ASPRV1: variants seen among roughly 807,000 people sequenced by gnomAD.
ASPRV1 encodes aspartic peptidase retroviral like 1.
ASPRV1 carries 7 observed loss-of-function variants against 11.0 expected under a neutral mutation model. That is an observed-to-expected ratio of 0.64 (90% CI 0.36 to 1.20). The LOEUF is 1.20. Among genes scored for constraint, ASPRV1 ranks in the 50% most tolerant of loss-of-function variants. The pLI is 0.02. For missense variants in ASPRV1, 299 were observed against 320.0 expected, an observed-to-expected ratio of 0.93 and a Z score of 0.50; for synonymous variants, 136 against 138.4, an observed-to-expected ratio of 0.98 and a Z score of 0.12.
At chr2:69,976,833 C>T in the ASPRV1 span, among the ~76,000 whole-genome samples, 1 of 152,118 alleles carries the variant, frequency 6.6e-6, no homozygotes, top group African/African-American at 2.4e-5. Flanking sequence ...CCAAATCAGA[C>T]CAACCTATAG....
chr2:69,957,602 C>T (rs983180225), downstream of ASPRV1, among the ~76,000 whole-genome samples: 7 of 151,682 alleles, frequency 4.6e-5, no homozygotes, highest in African/African-American at 1.7e-4. Context: ...CCTAGAATCA[C>T]TTGGGGATCT....
chr2:69,942,896 T>G, the ASPRV1 span: 1 of 152,260 alleles, frequency 6.6e-6, no homozygotes, highest in Admixed American at 6.5e-5. Context: ...ATATGTAAAC[T>G]GTATTGTTCA....
At chr2:69,935,848 C>T in the ASPRV1 span, among the ~76,000 whole-genome samples, 3 of 152,202 alleles carry the variant, frequency 2.0e-5, no homozygotes, top group African/African-American at 7.2e-5. Context: ...CTGGGTCCCT[C>T]CCGTCTGCTT....
the ASPRV1 span, among the ~76,000 whole-genome samples, chr2:69,978,606 C>T: frequency 3.3e-5 from 5 of 152,324 alleles, no homozygotes; most frequent in South Asian, 1.0e-3. Flanking sequence ...ACAGATTACA[C>T]CAACGACAAG....
chr2:69,998,136 T>C, the ASPRV1 span: 124 of 133,124 alleles, frequency 9.3e-4, no homozygotes, highest in African/African-American at 3.8e-3. Flanking sequence ...CTGATAGTTC[T>C]AGAAAAAAAA....
At chr2:69,983,504 C>T in the ASPRV1 span, among the ~76,000 whole-genome samples, 1 of 152,126 alleles carries the variant, frequency 6.6e-6, no homozygotes, top group African/African-American at 2.4e-5. Context: ...AGCAGGGCAG[C>T]CTTTTGGGCA....
At chr2:70,022,394 A>C in the ASPRV1 span, among the ~76,000 whole-genome samples, 4 of 132,846 alleles carry the variant, frequency 3.0e-5, no homozygotes, top group Admixed American at 1.5e-4. Context: ...CACACACACA[A>C]ACACAAGCAG....
At chr2:70,038,304 T>C in the ASPRV1 span, among the ~76,000 whole-genome samples, 3 of 152,198 alleles carry the variant, frequency 2.0e-5, no homozygotes, top group African/African-American at 7.2e-5. Flanking sequence ...CCCAACACTT[T>C]GGGAGGCCAA....
the ASPRV1 span, chr2:69,935,246 T>TC: frequency 2.6e-5 from 20 of 755,100 alleles, no homozygotes; most frequent in African/African-American, 3.3e-4. Context: ...GCATTTGCCA[T>TC]CGCAAGGCCT....
the ASPRV1 span, chr2:70,053,705 C>A: frequency 0.15 from 23,101 of 152,020 alleles, 2,714 homozygotes; most frequent in East Asian, 0.3. Flanking sequence ...ATTCTTCAGG[C>A]CCCAATCTGG....
the ASPRV1 span, among the ~76,000 whole-genome samples, chr2:69,997,506 C>A: frequency 1.3e-5 from 2 of 152,188 alleles, no homozygotes; most frequent in Non-Finnish European, 2.9e-5. Flanking sequence ...CCGGGCTTCT[C>A]CTCCTTCCTC....
the ASPRV1 span, among the ~76,000 whole-genome samples, chr2:70,059,403 G>A: frequency 6.6e-6 from 1 of 151,734 alleles, no homozygotes; most frequent in Non-Finnish European, 1.5e-5. Context: ...GTAGAAATGA[G>A]GGCTCCTTAG....
the ASPRV1 span, among the ~76,000 whole-genome samples, chr2:70,072,651 G>A: frequency 6.6e-6 from 1 of 152,090 alleles, no homozygotes; most frequent in Non-Finnish European, 1.5e-5. Flanking sequence ...GAACTCAGGA[G>A]GCAGAGGTTG....
the ASPRV1 span, among the ~76,000 whole-genome samples, chr2:70,065,857 AAAGG>A: frequency 1.4e-4 from 16 of 116,674 alleles, no homozygotes; most frequent in Non-Finnish European, 2.3e-4. Context: ...AAGAAAAAGA[AAAGG>A]AAGGAAGGAA....
chr2:69,985,956 C>A, the ASPRV1 span, among the ~76,000 whole-genome samples: 18 of 152,114 alleles, frequency 1.2e-4, no homozygotes, highest in Non-Finnish European at 2.4e-4. Context: ...GACGGCTCAT[C>A]GAATTTGGAG....
At chr2:69,966,802 C>T in the ASPRV1 span, among the ~76,000 whole-genome samples, 25 of 152,092 alleles carry the variant, frequency 1.6e-4, no homozygotes, top group Non-Finnish European at 8.8e-5. Context: ...ATCAAATATC[C>T]TCAGCACAGG....
the ASPRV1 span, chr2:69,938,002 C>A: frequency 8.2e-7 from 1 of 1,219,830 alleles, no homozygotes; most frequent in Non-Finnish European, 1.2e-6. Flanking sequence ...CCGCCTTTGC[C>A]TCCCAAAGTG....
chr2:69,974,700 G>T, the ASPRV1 span, among the ~76,000 whole-genome samples: 1 of 152,224 alleles, frequency 6.6e-6, no homozygotes, highest in Non-Finnish European at 1.5e-5. Context: ...GTTGGTGGAG[G>T]GCTTCGCCAT....
the ASPRV1 span, among the ~76,000 whole-genome samples, chr2:70,064,465 T>A: frequency 6.6e-6 from 1 of 152,214 alleles, no homozygotes; most frequent in Non-Finnish European, 1.5e-5. Flanking sequence ...TGCAGAGTTG[T>A]AGGATCAAGG....
Sources: allele counts gnomAD v4.1 joint callset (sites outside exome capture counted in the v4.1 genomes callset), GRCh38; gene constraint gnomAD v4.1.1; transcripts MANE v1.5; gene names NCBI Gene and HGNC (gene_info 2026-07-23, HGNC 2026-07-21).